Variants in MYO3A observed in about 807,000 individuals in gnomAD.
MYO3A encodes the protein myosin-IIIa.
Under a neutral mutation model 192.7 loss-of-function variants are expected in MYO3A, and 180 were observed. That is an observed-to-expected ratio of 0.93 (90% CI 0.83 to 1.06). The LOEUF (loss-of-function observed/expected upper bound fraction) is 1.06, where lower values mean the gene tolerates loss of function less well. MYO3A is among the 50% of genes least tolerant of loss of function. The pLI, the probability that MYO3A is intolerant of heterozygous loss-of-function variation, is 0.00. For synonymous variants in MYO3A, 628 were observed against 645.3 expected (o/e 0.97, Z 0.41); for missense variants, 1,896 against 1,905.0 (o/e 1.00, Z 0.09).
chr10:26,158,456 C>A (rs1303994366), intron 26 of MYO3A, among the ~76,000 whole-genome samples: 1 of 151,784 alleles, frequency 6.6e-6, no homozygotes, highest in Non-Finnish European at 1.5e-5. Context: ...GGGGTTTCAC[C>A]GTGTTAGCCA....
chr10:26,153,428 A>C (rs1157045173), intron 23 of MYO3A, among the ~76,000 whole-genome samples: 2 of 152,208 alleles, frequency 1.3e-5, no homozygotes, highest in Non-Finnish European at 2.9e-5. Flanking sequence ...GCCTCCAACC[A>C]TAGTTGATTT....
At chr10:26,060,056 C>T (rs1011371432) in intron 10 of MYO3A, among the ~76,000 whole-genome samples, 2 of 152,090 alleles carry the variant, frequency 1.3e-5, no homozygotes, top group African/African-American at 4.8e-5. Context: ...TCAGGAGTTC[C>T]AGACCAACCT....
At chr10:26,105,786 G>C (rs553532902) in intron 17 of MYO3A, among the ~76,000 whole-genome samples, 24 of 152,122 alleles carry the variant, frequency 1.6e-4, no homozygotes, top group African/African-American at 5.8e-4. Flanking sequence ...ACTCTAGGTT[G>C]TATGTGTAGT....
chr10:26,211,707 G>T lies in MYO3A; in HGVS notation c.4731-136G>T, dbSNP rs1844223442. The T allele has an allele frequency of 3.6e-6, 5 of 1,375,894 alleles. No individual in the cohort carries two copies. The South Asian group carries it at 3.9e-5, about 11-fold the overall frequency. 85.2% of individuals were successfully genotyped at this position (1,375,894 alleles called of 1,614,324 possible). ...AGATACGTTTGGCCATTATCCAGTCGTTTCGATTGTGCCTTTCCTAAATGT... is the reference window on the plus strand; with the variant it reads ...AGATACGTTTGGCCATTATCCAGTCTTTTCGATTGTGCCTTTCCTAAATGT... On this transcript the variant is annotated intron_variant, in intron 34 of 34. Transcript: ENST00000642920.
At position 26,021,671 on chromosome 10, in the gene MYO3A, C is replaced by T. The variant is rs746286890; in HGVS notation, c.731+23C>T. 4.3e-6 allele frequency: 7 copies of T among 1,613,576 alleles called. No individual in the cohort carries two copies. The African/African-American group carries it at 9.3e-5, about 22-fold the overall frequency. On this transcript the variant is annotated intron_variant, in intron 8 of 34. Transcript: ENST00000642920. ...AAGGTCAGATGACTAACATTGGGTC[C>T]AGTATCTGCAGCCCGATTTACTTCC...
intron 14 of MYO3A, among the ~76,000 whole-genome samples, chr10:26,087,831 A>T (rs1001975228): frequency 2.6e-5 from 4 of 152,204 alleles, no homozygotes; most frequent in Non-Finnish European, 5.9e-5. Flanking sequence ...TGTGGAAGCC[A>T]GTAAAGTGGT....
At chr10:26,029,959 A>G (rs1286232591) in intron 10 of MYO3A, among the ~76,000 whole-genome samples, 1 of 151,058 alleles carries the variant, frequency 6.6e-6, no homozygotes, top group Non-Finnish European at 1.5e-5. Flanking sequence ...CCCAGGGCCC[A>G]TTGTGATTTG....
rs572356545 is a variant in MYO3A at position 26,122,170 on chromosome 10, T to C, written c.1903+1368T>C. Among the ~76,000 whole-genome samples the C allele has an allele frequency of 2.6e-5, 4 of 152,304 alleles. No homozygotes were observed. In the East Asian group the frequency reaches 7.7e-4, roughly 29 times the overall value. On this transcript the variant is annotated intron_variant, in intron 18 of 34. Transcript: ENST00000642920. ...CAGCAGCCAATGGAATGAGTTGCAATAGAGATAGGTTGTAGATAAGAGTAT... is the reference window on the plus strand; with the variant it reads ...CAGCAGCCAATGGAATGAGTTGCAACAGAGATAGGTTGTAGATAAGAGTAT...
chr10:26,201,121 A>C (rs1023119969), intron 32 of MYO3A, 144 bp from the exon 33 acceptor site: 5 of 343,962 alleles, frequency 1.5e-5, no homozygotes, highest in African/African-American at 8.6e-5. Flanking sequence ...ATTTCTTTAA[A>C]TTTTTAAAAT....
chr10:26,211,774 T>C, intron 34 of MYO3A, 69 bp from the exon 35 acceptor site: 1 of 1,575,866 alleles, frequency 6.3e-7, no homozygotes, highest in Non-Finnish European at 8.6e-7. Context: ...CCCGCCTAAC[T>C]CGGGGTAGGT....
At chr10:26,103,590 T>C (rs917891725) in intron 17 of MYO3A, among the ~76,000 whole-genome samples, 3 of 152,238 alleles carry the variant, frequency 2.0e-5, no homozygotes, top group Non-Finnish European at 4.4e-5. Context: ...CATTCATTAG[T>C]TGATGGGCAA....
chr10:25,960,155 T>C (rs1017381953), intron 4 of MYO3A, among the ~76,000 whole-genome samples: 2 of 152,142 alleles, frequency 1.3e-5, no homozygotes, highest in African/African-American at 4.8e-5. Flanking sequence ...TCTTTTTCTT[T>C]GTGGTTATAA....
intron 6 of MYO3A, among the ~76,000 whole-genome samples, chr10:25,998,734 T>G (rs1017218714): frequency 6.6e-6 from 1 of 152,058 alleles, no homozygotes; most frequent in Non-Finnish European, 1.5e-5. Flanking sequence ...AGATTGAAAA[T>G]TGTTAAAACA....
At position 26,174,415 on chromosome 10, in the gene MYO3A, C is replaced by T. The variant is rs2132039595; in HGVS notation, c.4151C>T (p.Thr1384Ile). The change falls in exon 30 of 35, where the codon ACA (threonine) becomes ATA (isoleucine). Residue 1384 changes from threonine (T) to isoleucine (I), a missense_variant. Transcript: ENST00000642920. ...FKHQRIVTTP[T>I]EVARNTHNLY... The stretch of plus-strand genomic sequence containing the variant: ...CATCAGAGGATTGTCACAACACCAA[C>T]AGAAGTAGCAAGAAACACTCATAAT... 1 of 1,614,186 alleles carries T rather than the reference C, an allele frequency of 6.2e-7. No individual in the cohort carries two copies. The highest frequency in any genetic ancestry group is 8.5e-7 in the Non-Finnish European group (1 of 1,180,036).
At chr10:26,054,341 A>G (rs954634598) in intron 10 of MYO3A, among the ~76,000 whole-genome samples, 1 of 152,154 alleles carries the variant, frequency 6.6e-6, no homozygotes, top group Non-Finnish European at 1.5e-5. Context: ...TGGAGAGCAC[A>G]ATATTGTTTA....
intron 20 of MYO3A, among the ~76,000 whole-genome samples, chr10:26,129,103 T>C (rs1205424974): frequency 2.6e-5 from 4 of 152,214 alleles, no homozygotes; most frequent in Non-Finnish European, 4.4e-5. Flanking sequence ...TAAGAATACT[T>C]AAATTATTTT....
chr10:26,089,365 G>T (rs1221463395), intron 15 of MYO3A, among the ~76,000 whole-genome samples: 1 of 152,096 alleles, frequency 6.6e-6, no homozygotes. Flanking sequence ...ACTTTGGGAG[G>T]CCAAGGCGGG....
At chr10:26,000,928 G>A (rs1283920579) in intron 6 of MYO3A, among the ~76,000 whole-genome samples, 4 of 152,162 alleles carry the variant, frequency 2.6e-5, no homozygotes, top group Non-Finnish European at 5.9e-5. Context: ...TGGCAGGAGG[G>A]CAAAGGCAAA....
At chr10:25,998,059 C>T (rs549861532) in intron 6 of MYO3A, among the ~76,000 whole-genome samples, 1 of 152,198 alleles carries the variant, frequency 6.6e-6, no homozygotes, top group African/African-American at 2.4e-5. Flanking sequence ...TGTATACTTC[C>T]TTGTTTGCAT....
Sources: allele counts gnomAD v4.1 joint callset (sites outside exome capture counted in the v4.1 genomes callset), GRCh38; gene constraint gnomAD v4.1.1; transcripts MANE v1.5; gene names NCBI Gene and HGNC (gene_info 2026-07-23, HGNC 2026-07-21).